The following MOB3B variants were observed in gnomAD, a reference collection of about 807,000 sequenced individuals.
The protein encoded by MOB3B is MOB kinase activator-like 2B.
A neutral mutation model predicts 18.7 loss-of-function variants in MOB3B; 7 were observed. That is an observed-to-expected ratio of 0.37 (90% CI 0.21 to 0.70). The LOEUF (loss-of-function observed/expected upper bound fraction) is 0.70. Among genes scored for constraint, MOB3B ranks in the 30% least tolerant of loss-of-function variants. The probability of loss-of-function intolerance (pLI) is 0.52; values close to 1 mark genes in which losing one functional copy is unlikely to be tolerated. For missense variants in MOB3B, 253 were observed against 281.3 expected (o/e 0.90, Z 0.72); for synonymous variants, 111 against 99.9 (o/e 1.11, Z -0.66).
At chr9:27,481,874 T>A (rs1327863446) in intron 1 of MOB3B, among the ~76,000 whole-genome samples, 1 of 152,142 alleles carries the variant, frequency 6.6e-6, no homozygotes, top group Non-Finnish European at 1.5e-5. Flanking sequence ...TACAGTCCAA[T>A]GTCACATATG....
In MOB3B at chr9:27,517,539, TC is replaced by T. The variant is rs1408503427; in HGVS notation, c.-199+12015del. On this transcript the variant is annotated intron_variant, in intron 1 of 3. Transcript: ENST00000262244. ...GGCACATGCCTGTAATCCCAGCTACTCAGGAGGCTGAGGCAGGAGAATTGCT... is the reference window on the plus strand; with the variant it reads ...GGCACATGCCTGTAATCCCAGCTACTAGGAGGCTGAGGCAGGAGAATTGCT... 3.6e-4 allele frequency among the ~76,000 whole-genome samples: 53 copies of T among 147,118 alleles called. No individual in the cohort carries two copies. The East Asian group carries it at 0.011, about 30-fold the overall frequency.
chr9:27,501,026 A>T (rs1819982673), intron 1 of MOB3B, among the ~76,000 whole-genome samples: 1 of 152,204 alleles, frequency 6.6e-6, no homozygotes, highest in South Asian at 2.1e-4. Context: ...GTCATTAGAG[A>T]ACTGCAAATC....
At chr9:27,354,373 T>G (rs574519757) in intron 3 of MOB3B, among the ~76,000 whole-genome samples, 297 of 152,214 alleles carry the variant, frequency 2.0e-3, no homozygotes, top group Non-Finnish European at 2.6e-3. Flanking sequence ...ACAAAAGCAG[T>G]GTGAGAGGAT....
intron 2 of MOB3B, among the ~76,000 whole-genome samples, chr9:27,420,189 C>G (rs1474936830): frequency 2.0e-5 from 3 of 151,872 alleles, no homozygotes; most frequent in African/African-American, 7.3e-5. Context: ...ATCAGGGAAC[C>G]CTTCTACACT....
At chr9:27,365,928 T>C (rs995595445) in intron 2 of MOB3B, among the ~76,000 whole-genome samples, 6 of 152,224 alleles carry the variant, frequency 3.9e-5, no homozygotes, top group Non-Finnish European at 7.3e-5. Flanking sequence ...GCAACATGCC[T>C]AAGCAGAGGC....
At chr9:27,465,250 A>G (rs1819361715) in intron 1 of MOB3B, among the ~76,000 whole-genome samples, 1 of 152,170 alleles carries the variant, frequency 6.6e-6, no homozygotes. Context: ...TGGCCAAAAC[A>G]AAGGGGTTAC....
In MOB3B at chr9:27,379,340, T is replaced by C. The variant is rs372320692; in HGVS notation, c.419-20104A>G. ...GGGGTTTCCTTCAACTCTGAAATTC[T>C]ATGACTTGAGTTTTTGGCATAAGAG... On this transcript the variant is annotated intron_variant, in intron 2 of 3. Transcript: ENST00000262244. Among the ~76,000 whole-genome samples the C allele has an allele frequency of 4.6e-5, 7 of 152,320 alleles. No homozygotes were observed. The East Asian group carries it at 7.7e-4, about 17-fold the overall frequency.
intron 1 of MOB3B, among the ~76,000 whole-genome samples, chr9:27,525,217 T>C (rs972331539): frequency 2.6e-5 from 4 of 152,204 alleles, no homozygotes; most frequent in African/African-American, 9.7e-5. Flanking sequence ...TCTTCTATTC[T>C]CTCTTGCTCT....
chr9:27,497,074 T>C (rs886850453), intron 1 of MOB3B, among the ~76,000 whole-genome samples: 1 of 152,202 alleles, frequency 6.6e-6, no homozygotes, highest in African/African-American at 2.4e-5. Context: ...AGTAAAAATA[T>C]CTAGACAAAA....
chr9:27,404,952 C>T (rs1821944234), intron 2 of MOB3B, among the ~76,000 whole-genome samples: 1 of 152,034 alleles, frequency 6.6e-6, no homozygotes, highest in Non-Finnish European at 1.5e-5. Context: ...GGATAAAAGC[C>T]ATTTTAATTG....
Position 27,359,025 on chromosome 9 carries a change from G to A in MOB3B, c.621+9C>T. On this transcript the variant is annotated intron_variant, in intron 3 of 3. Coordinates refer to ENST00000262244, the MANE Select transcript of MOB3B (RefSeq NM_024761.5). Reference sequence around the variant, plus strand: ...GACTTGGATACCATTATTTCATGGTGTCACTTACCAAAGGCTCTAGCTCCT... The same window carrying A: ...GACTTGGATACCATTATTTCATGGTATCACTTACCAAAGGCTCTAGCTCCT... 1.2e-6 allele frequency: 2 copies of A among 1,612,898 alleles called. No individual in the cohort carries two copies. Among genetic ancestry groups the A allele is most frequent in the South Asian group, 1.1e-5 (1 of 91,056 alleles).
At chr9:27,486,933 C>G (rs1447339952) in intron 1 of MOB3B, among the ~76,000 whole-genome samples, 1 of 152,032 alleles carries the variant, frequency 6.6e-6, no homozygotes, top group Admixed American at 6.5e-5. Flanking sequence ...GGGTTCAAGA[C>G]CAGCCTGGCC....
At chr9:27,365,229 C>T (rs559770938) in intron 2 of MOB3B, among the ~76,000 whole-genome samples, 1 of 150,982 alleles carries the variant, frequency 6.6e-6, no homozygotes, top group Non-Finnish European at 1.5e-5. Context: ...TATATATAGT[C>T]CTGGCATGGA....
intron 2 of MOB3B, among the ~76,000 whole-genome samples, chr9:27,451,390 G>A (rs532905491): frequency 1.3e-5 from 2 of 152,254 alleles, no homozygotes; most frequent in South Asian, 4.1e-4. Context: ...AGAGAGTAAG[G>A]GAAACTATGG....
chr9:27,461,896 A>G (rs768367378), intron 1 of MOB3B, among the ~76,000 whole-genome samples: 5 of 152,230 alleles, frequency 3.3e-5, no homozygotes, highest in Non-Finnish European at 7.3e-5. Flanking sequence ...TGGAAAGAGT[A>G]AAAGAAAAGA....
At chr9:27,459,015 C>A (rs1260252575) in intron 1 of MOB3B, among the ~76,000 whole-genome samples, 3 of 151,424 alleles carry the variant, frequency 2.0e-5, no homozygotes, top group Non-Finnish European at 4.4e-5. Context: ...AGGTAGGCCC[C>A]CCCCCATGTT....
chr9:27,452,432 AT>A (rs1391047754), intron 2 of MOB3B, among the ~76,000 whole-genome samples: 2 of 152,236 alleles, frequency 1.3e-5, no homozygotes, highest in African/African-American at 4.8e-5. Flanking sequence ...AAAAACATGA[AT>A]AAAACCAGAG....
intron 3 of MOB3B, among the ~76,000 whole-genome samples, chr9:27,356,509 C>T (rs1241853595): frequency 6.6e-6 from 1 of 152,154 alleles, no homozygotes; most frequent in Non-Finnish European, 1.5e-5. Flanking sequence ...CAAAGAAAGC[C>T]TTTCTCTACT....
chr9:27,464,693 A>G lies in MOB3B; in HGVS notation c.-198-8945T>C, dbSNP rs142242588. ...AGACATACCTGAAAATGGGAACAAA[A>G]AGAGGTTTAATTGGACTTACAGTTC... is the stretch of plus-strand genomic sequence containing the variant. On this transcript the variant is annotated intron_variant, in intron 1 of 3. Coordinates refer to ENST00000262244, the MANE Select transcript of MOB3B (RefSeq NM_024761.5). Among the ~76,000 whole-genome samples, 232 of 152,290 alleles carry G rather than the reference A, an allele frequency of 1.5e-3. 3 individuals are homozygous for G. The highest frequency in any genetic ancestry group is 7.9e-3 in the South Asian group (38 of 4,820).
Sources: gnomAD v4.1 joint callset for allele counts (sites outside exome capture counted in the v4.1 genomes callset) on GRCh38, gnomAD v4.1.1 for gene constraint, MANE v1.5 for transcripts, NCBI Gene and HGNC (gene_info 2026-07-23, HGNC 2026-07-21) for gene names.